Variants in STOX2 observed in about 807,000 individuals in gnomAD.
STOX2 encodes the protein storkhead-box protein 2.
A neutral mutation model predicts 60.9 loss-of-function variants in STOX2; 28 were observed. The observed-to-expected ratio is 0.46, with a 90% CI of 0.34 to 0.63. The LOEUF (loss-of-function observed/expected upper bound fraction) is 0.63. Ranked by LOEUF, STOX2 falls within the 30% of genes least tolerant of loss-of-function variation. The pLI is 0.01. For synonymous variants in STOX2, 472 were observed against 463.9 expected, an observed-to-expected ratio of 1.02 and a Z score of -0.22; for missense variants, 1,024 against 1,187.7, an observed-to-expected ratio of 0.86 and a Z score of 2.03.
At position 184,019,283 on chromosome 4, in the gene STOX2, C is replaced by G. The variant is rs187802531; in HGVS notation, c.*1999C>G. On this transcript the variant is annotated 3_prime_UTR_variant, in exon 4 of 4. Coordinates refer to ENST00000308497, the MANE Select transcript of STOX2 (RefSeq NM_020225.3). ...TTATTTCCTCCAAGGCATGCCTCAA[C>G]GCATTGTTTGTCTCATTGCTTAAAT... The G allele has an allele frequency of 8.1e-4, 123 of 152,206 alleles. 3 individuals are homozygous for G. The highest frequency in any genetic ancestry group is 8.0e-3 in the Admixed American group (123 of 15,284). The allele number at this position is 152,206 out of a possible 1,614,324, so 9.4% of individuals were successfully genotyped here. A position where few individuals can be genotyped will look rare whatever the true frequency, so the allele number is the denominator to read the frequency against.
intron 1 of STOX2, among the ~76,000 whole-genome samples, chr4:183,929,636 G>T (rs568776753): frequency 6.6e-6 from 1 of 152,214 alleles, no homozygotes; most frequent in East Asian, 1.9e-4. Context: ...GAACAAAGAG[G>T]CTCTTGCAGG....
In STOX2 at chr4:183,948,884, T is replaced by C. The variant is rs146248885; in HGVS notation, c.166+41928T>C. On this transcript the variant is annotated intron_variant, in intron 1 of 3. Coordinates refer to ENST00000308497, the MANE Select transcript of STOX2 (RefSeq NM_020225.3). ...GACCTCACTTACCAGGTTGCTATTA[T>C]GATTAAGTGAGAGAACATGTGAAGT... Among the ~76,000 whole-genome samples the C allele has an allele frequency of 3.6e-3, 541 of 152,278 alleles. 4 individuals carry two copies. The highest frequency in any genetic ancestry group is 0.013 in the African/African-American group (520 of 41,558).
chr4:183,878,473 C>T (rs1021450832), intron 1 of STOX2, among the ~76,000 whole-genome samples: 4 of 152,114 alleles, frequency 2.6e-5, no homozygotes, highest in South Asian at 2.1e-4. Context: ...TTTTAACAGT[C>T]GTTTTCTGGG....
intron 1 of STOX2, among the ~76,000 whole-genome samples, chr4:183,844,365 G>T (rs937146868): frequency 2.0e-5 from 3 of 152,146 alleles, no homozygotes; most frequent in Non-Finnish European, 4.4e-5. Context: ...AAACCATGGT[G>T]AGCATTGATT....
chr4:183,841,194 T>TTTA (rs1321465794), intron 1 of STOX2, among the ~76,000 whole-genome samples: 1 of 149,672 alleles, frequency 6.7e-6, no homozygotes, highest in African/African-American at 2.5e-5. Context: ...TATTTATTTA[T>TTTA]TTATTTATTT....
intron 1 of STOX2, 28 bp downstream of exon 1, chr4:183,906,984 C>T (rs1560875151): frequency 1.3e-6 from 2 of 1,500,052 alleles, no homozygotes; most frequent in Admixed American, 2.2e-5. Context: ...TTTCTGCCCC[C>T]GGGCCGGGGC....
chr4:183,954,858 C>A (rs375646353), intron 1 of STOX2, among the ~76,000 whole-genome samples: 1 of 152,116 alleles, frequency 6.6e-6, no homozygotes, highest in Non-Finnish European at 1.5e-5. Context: ...CCTGCCTCAG[C>A]CTCCCAAGTA....
intron 3 of STOX2, among the ~76,000 whole-genome samples, chr4:184,012,587 CATT>C (rs889791759): frequency 2.0e-5 from 3 of 151,866 alleles, no homozygotes; most frequent in African/African-American, 4.8e-5. Context: ...AGGGCTGGTT[CATT>C]ATTATTATTA....
At chr4:183,985,246 C>T (rs1732796490) in intron 1 of STOX2, among the ~76,000 whole-genome samples, 1 of 152,056 alleles carries the variant, frequency 6.6e-6, no homozygotes, top group African/African-American at 2.4e-5. Context: ...TTTTTGTTTA[C>T]AGTGGCTTTT....
chr4:183,899,466 T>A (rs190121812), intron 1 of STOX2, among the ~76,000 whole-genome samples: 98 of 152,298 alleles, frequency 6.4e-4, no homozygotes, highest in African/African-American at 2.2e-3. Flanking sequence ...GCTACCCCAA[T>A]GAACACACGA....
At chr4:183,943,697 T>C (rs561995171) in intron 1 of STOX2, among the ~76,000 whole-genome samples, 2 of 152,074 alleles carry the variant, frequency 1.3e-5, no homozygotes, top group Non-Finnish European at 2.9e-5. Flanking sequence ...GCCAATACAG[T>C]GAAACCCCGT....
intron 3 of STOX2, among the ~76,000 whole-genome samples, chr4:184,012,044 T>C (rs552143351): frequency 3.9e-5 from 6 of 152,364 alleles, no homozygotes; most frequent in Middle Eastern, 3.4e-3. Flanking sequence ...GATCAAAGCA[T>C]GTGCCATGTT....
At chr4:183,858,641 C>T (rs1041564193) in intron 1 of STOX2, among the ~76,000 whole-genome samples, 1 of 152,240 alleles carries the variant, frequency 6.6e-6, no homozygotes, top group South Asian at 2.1e-4. Context: ...GACGGGAAAA[C>T]CACACATTTC....
Position 183,981,968 on chromosome 4 carries a change from C to A in STOX2, c.167-19357C>A, listed in dbSNP as rs549360054. Among the ~76,000 whole-genome samples, 7 of 152,296 alleles carry A rather than the reference C, an allele frequency of 4.6e-5. No homozygotes were observed. The South Asian group carries it at 1.5e-3, about 32-fold the overall frequency. ...AAACAAAACAACAAAACGCAAAGTG[C>A]ATCTGGAAAAGCCTTACAGTTGACT... is the stretch of plus-strand genomic sequence containing the variant. On this transcript the variant is annotated intron_variant, in intron 1 of 3. Coordinates refer to ENST00000308497, the MANE Select transcript of STOX2 (RefSeq NM_020225.3).
At chr4:183,874,862 C>A (rs1560857563) in intron 1 of STOX2, among the ~76,000 whole-genome samples, 1 of 130,316 alleles carries the variant, frequency 7.7e-6, no homozygotes, top group African/African-American at 3.0e-5. Flanking sequence ...GGAGGCGGAG[C>A]TTGCAGTGAG....
chr4:183,930,838 A>T (rs1489661186), intron 1 of STOX2, among the ~76,000 whole-genome samples: 5 of 152,138 alleles, frequency 3.3e-5, no homozygotes, highest in African/African-American at 1.2e-4. Flanking sequence ...AGATCTACAA[A>T]TTTTCTTTTT....
At position 184,011,592 on chromosome 4, in the gene STOX2, G is replaced by GA. The variant is rs770334520; in HGVS notation, c.2585+176dup. ...GTTTCTGACTTCTTTTTCAGGAATT[G>GA]AAAAAAATGTTTCTGCACCTGTAGA... On this transcript the variant is annotated intron_variant, in intron 3 of 3. Transcript: ENST00000308497. The surrounding 1 kb of genome is among the most constrained non-coding windows in gnomAD (Gnocchi z 4.4). 3.3e-6 allele frequency: 5 copies of GA among 1,532,130 alleles called. No homozygotes were observed. The South Asian group carries it at 3.6e-5, about 11-fold the overall frequency. 94.9% of individuals were successfully genotyped at this position (1,532,130 alleles called of 1,614,324 possible).
chr4:183,838,737 C>T (rs940103668), intron 1 of STOX2, among the ~76,000 whole-genome samples: 26 of 152,172 alleles, frequency 1.7e-4, no homozygotes, highest in African/African-American at 4.3e-4. Context: ...ACTTGGGGCA[C>T]CCATTGTGGA....
chr4:183,985,958 C>T (rs1337936763), intron 1 of STOX2, among the ~76,000 whole-genome samples: 1 of 152,134 alleles, frequency 6.6e-6, no homozygotes, highest in Non-Finnish European at 1.5e-5. Flanking sequence ...TCCAACAACA[C>T]AGCCAGACTT....
Sources: gnomAD v4.1 joint callset for allele counts (sites outside exome capture counted in the v4.1 genomes callset) on GRCh38, gnomAD v4.1.1 for gene constraint, Gnocchi (gnomAD v3.1) non-coding constraint, MANE v1.5 for transcripts, NCBI Gene and HGNC (gene_info 2026-07-23, HGNC 2026-07-21) for gene names.